The following PRKCE variants were observed in gnomAD, a reference collection of about 807,000 sequenced individuals.
PRKCE encodes the protein protein kinase C epsilon type.
PRKCE carries 16 observed loss-of-function variants against 85.4 expected under a neutral mutation model. The observed-to-expected ratio is 0.19, with a 90% CI of 0.13 to 0.28. PRKCE has a LOEUF of 0.28. Among genes scored for constraint, PRKCE ranks in the 10% least tolerant of loss-of-function variants. The probability of loss-of-function intolerance (pLI) is 1.00; values close to 1 mark genes in which losing one functional copy is unlikely to be tolerated. For missense variants in PRKCE, 573 were observed against 975.2 expected, an observed-to-expected ratio of 0.59 and a Z score of 5.49; for synonymous variants, 388 against 371.5, an observed-to-expected ratio of 1.04 and a Z score of -0.51.
At chr2:46,086,896 G>A (rs866037750) in intron 11 of PRKCE, among the ~76,000 whole-genome samples, 3 of 152,108 alleles carry the variant, frequency 2.0e-5, no homozygotes, top group African/African-American at 7.2e-5. Context: ...ACTTTTTGCA[G>A]ATCATCCAAT....
At chr2:45,772,468 A>G (rs1009016437) in intron 1 of PRKCE, among the ~76,000 whole-genome samples, 4 of 152,144 alleles carry the variant, frequency 2.6e-5, no homozygotes, top group African/African-American at 9.7e-5. Flanking sequence ...AATACTGTAT[A>G]TCTCCTAGGA....
chr2:46,065,780 A>C (rs113952629), intron 10 of PRKCE, among the ~76,000 whole-genome samples: 134 of 152,334 alleles, frequency 8.8e-4, no homozygotes, highest in African/African-American at 3.0e-3. Flanking sequence ...GCCATAAATG[A>C]TCACAGGTGC....
chr2:46,040,468 C>G (rs1191095123), intron 10 of PRKCE, among the ~76,000 whole-genome samples: 1 of 152,154 alleles, frequency 6.6e-6, no homozygotes, highest in Non-Finnish European at 1.5e-5. Context: ...TAAAAACATA[C>G]TACCTCCTGG....
At chr2:45,760,013 G>A (rs1051789672) in intron 1 of PRKCE, among the ~76,000 whole-genome samples, 25 of 152,172 alleles carry the variant, frequency 1.6e-4, no homozygotes, top group African/African-American at 4.8e-4. Context: ...ACCTATGCAC[G>A]CAAAAGCAGA....
chr2:45,889,415 G>C lies in PRKCE; in HGVS notation c.412+46352G>C, dbSNP rs181369853. ...AAGAGGGTGAGAGGACACCTTCAAC[G>C]ATGAACTTGTGTCTTATAGCAAATC... On this transcript the variant is annotated intron_variant, in intron 2 of 14. Coordinates refer to ENST00000306156, the MANE Select transcript of PRKCE (RefSeq NM_005400.3). Among the ~76,000 whole-genome samples, 18 of 152,330 alleles carry C rather than the reference G, an allele frequency of 1.2e-4. No individual in the cohort carries two copies. In the East Asian group the frequency reaches 3.5e-3, roughly 29 times the overall value.
chr2:45,952,352 A>G (rs1700682305), intron 2 of PRKCE, among the ~76,000 whole-genome samples: 1 of 151,922 alleles, frequency 6.6e-6, no homozygotes. Flanking sequence ...ATAAGTCATC[A>G]CTATGCTGGG....
intron 2 of PRKCE, among the ~76,000 whole-genome samples, chr2:45,892,946 G>A (rs1052434699): frequency 4.6e-5 from 7 of 152,152 alleles, no homozygotes; most frequent in African/African-American, 1.4e-4. Context: ...GCATCTCCAC[G>A]GGGCTCAGGG....
rs34264556 is a variant in PRKCE at position 45,935,067 on chromosome 2, T to TCTCTCACACACA, written c.413-41361_413-41360insTCTCACACACAC. ...CAAAGCGAGACACTCACTCTCTCTC[T>TCTCTCACACACA]CACACACACACACACACACACACAC... On this transcript the variant is annotated intron_variant, in intron 2 of 14. Coordinates refer to ENST00000306156, the MANE Select transcript of PRKCE (RefSeq NM_005400.3). Among the ~76,000 whole-genome samples, 93 of 146,354 alleles carry TCTCTCACACACA rather than the reference T, an allele frequency of 6.4e-4. 1 individual carries two copies. The highest frequency in any genetic ancestry group is 3.4e-3 in the Middle Eastern group (1 of 292).
chr2:45,816,131 C>T (rs1284297968), intron 1 of PRKCE, among the ~76,000 whole-genome samples: 1 of 152,198 alleles, frequency 6.6e-6, no homozygotes, highest in Non-Finnish European at 1.5e-5. Context: ...CTTTTTATCA[C>T]AGCTACCAAA....
At chr2:45,750,488 G>A (rs988039410) in intron 1 of PRKCE, among the ~76,000 whole-genome samples, 1 of 151,458 alleles carries the variant, frequency 6.6e-6, no homozygotes, top group African/African-American at 2.4e-5. Context: ...CCCTGCATAG[G>A]GAACTGAGTC....
chr2:46,010,920 C>G, intron 10 of PRKCE: 1 of 1,450,582 alleles, frequency 6.9e-7, no homozygotes, highest in Non-Finnish European at 9.0e-7. Context: ...TTAATCTCTT[C>G]TAATCTGTGT....
rs1424812477 is a variant in PRKCE, at chr2:46,155,159, A to C, written c.1920+3930A>C. On this transcript the variant is annotated intron_variant, in intron 13 of 14. Transcript: ENST00000306156. This position sits in a 1 kb window ranked among gnomAD's most constrained non-coding sequence, Gnocchi z 4.7. ...GCAGCAACGAGGACTTCACCTCACC[A>C]GATCTGGCTTTCCAAGAGAAGCACG... Among the ~76,000 whole-genome samples the C allele has an allele frequency of 1.3e-5, 2 of 152,234 alleles. No individual in the cohort carries two copies. The highest frequency in any genetic ancestry group is 4.8e-5 in the African/African-American group (2 of 41,462).
At chr2:45,932,795 C>T in intron 2 of PRKCE, among the ~76,000 whole-genome samples, 1 of 152,190 alleles carries the variant, frequency 6.6e-6, no homozygotes, top group East Asian at 1.9e-4. Context: ...TCTCTACTCC[C>T]CCCAGCCCCG....
At chr2:46,142,350 T>G (rs529392334) in intron 11 of PRKCE, among the ~76,000 whole-genome samples, 1 of 152,338 alleles carries the variant, frequency 6.6e-6, no homozygotes, top group African/African-American at 2.4e-5. Context: ...TAGAAAGTCC[T>G]AACAATCGCC....
chr2:45,976,288 G>A lies in PRKCE; in HGVS notation c.413-141G>A, dbSNP rs1274454819. 4.6e-5 allele frequency: 43 copies of A among 936,494 alleles called. No individual in the cohort carries two copies. In the Admixed American group the frequency reaches 4.8e-4, roughly 10 times the overall value. The allele number at this position is 936,494 out of a possible 1,614,324, so 58.0% of individuals were successfully genotyped here. A position where few individuals can be genotyped will look rare whatever the true frequency, so the allele number is the denominator to read the frequency against. ...GCTCAGTGGGACTCCTCAGACCCCC[G>A]AGTCCCTCCACACACAAAGGCTACC... On this transcript the variant is annotated intron_variant, in intron 2 of 14. Transcript: ENST00000306156.
chr2:45,775,461 C>T (rs1421116079), intron 1 of PRKCE, among the ~76,000 whole-genome samples: 1 of 152,164 alleles, frequency 6.6e-6, no homozygotes. Flanking sequence ...TTTCTGGGGC[C>T]ATTTTAAATC....
At chr2:46,157,232 C>T (rs1677304742) in intron 13 of PRKCE, among the ~76,000 whole-genome samples, 1 of 152,178 alleles carries the variant, frequency 6.6e-6, no homozygotes, top group East Asian at 1.9e-4. Context: ...AGGAAAACCT[C>T]AGCCGCACCC....
intron 12 of PRKCE, among the ~76,000 whole-genome samples, chr2:46,147,495 T>C (rs1676187584): frequency 6.6e-6 from 1 of 152,214 alleles, no homozygotes. Context: ...AAGCAGTCCA[T>C]TGGTGAGACT....
chr2:45,797,106 G>C (rs1687497281), intron 1 of PRKCE, among the ~76,000 whole-genome samples: 1 of 152,186 alleles, frequency 6.6e-6, no homozygotes, highest in Non-Finnish European at 1.5e-5. Flanking sequence ...TTGCTGTCTA[G>C]CGTTTGATGT....
Sources: gnomAD v4.1 joint callset for allele counts (sites outside exome capture counted in the v4.1 genomes callset) on GRCh38, gnomAD v4.1.1 for gene constraint, Gnocchi (gnomAD v3.1) non-coding constraint, MANE v1.5 for transcripts, NCBI Gene and HGNC (gene_info 2026-07-23, HGNC 2026-07-21) for gene names.